Variants in JAZF1 observed in about 807,000 individuals in gnomAD.
JAZF1 encodes JAZF zinc finger 1, also known as juxtaposed with another zinc finger protein 1.
A neutral mutation model predicts 26.4 loss-of-function variants in JAZF1; 8 were observed. The observed-to-expected ratio is 0.30, with a 90% confidence interval of 0.18 to 0.55. JAZF1 has a LOEUF of 0.55. Among genes scored for constraint, JAZF1 ranks in the 20% least tolerant of loss-of-function variants. JAZF1 has a pLI of 0.94. For missense variants in JAZF1, 199 were observed against 322.0 expected, an observed-to-expected ratio of 0.62 and a Z score of 2.92; for synonymous variants, 126 against 122.3, an observed-to-expected ratio of 1.03 and a Z score of -0.20.
intron 1 of JAZF1, among the ~76,000 whole-genome samples, chr7:28,023,909 A>G (rs573051466): frequency 6.6e-6 from 1 of 152,290 alleles, no homozygotes; most frequent in South Asian, 2.1e-4. Flanking sequence ...ATTAACCTAC[A>G]CTTGGAAAAT....
rs367843582 is a variant in JAZF1, at chr7:27,980,553, G to A, written c.188+11356C>T. On this transcript the variant is annotated intron_variant, in intron 2 of 4. Transcript: ENST00000283928. Reference sequence around the variant, plus strand: ...AACCTAACCCTCTGCTGATTGATTAGTCAATGTTATTGCCAAAGAAAGTTT... The same window carrying A: ...AACCTAACCCTCTGCTGATTGATTAATCAATGTTATTGCCAAAGAAAGTTT... 2.6e-5 allele frequency among the ~76,000 whole-genome samples: 4 copies of A among 152,124 alleles called. No homozygotes were observed. In the South Asian group the frequency reaches 8.3e-4, roughly 32 times the overall value.
At chr7:27,867,749 A>G (rs551232551) in intron 3 of JAZF1, among the ~76,000 whole-genome samples, 71 of 152,374 alleles carry the variant, frequency 4.7e-4, no homozygotes, top group African/African-American at 1.6e-3. Flanking sequence ...TTTACACTCC[A>G]GGCATGACAA....
At chr7:27,931,633 T>G (rs1467536744) in intron 2 of JAZF1, among the ~76,000 whole-genome samples, 1 of 152,056 alleles carries the variant, frequency 6.6e-6, no homozygotes. Context: ...CTGGCCAATA[T>G]GGTGAAACCC....
At chr7:28,082,693 C>T (rs1784155597) in intron 1 of JAZF1, among the ~76,000 whole-genome samples, 2 of 152,220 alleles carry the variant, frequency 1.3e-5, no homozygotes, top group Admixed American at 1.3e-4. Context: ...CATCCTTGGC[C>T]CCTCTCTGGA....
At chr7:27,846,966 T>C (rs947186542) in intron 3 of JAZF1, among the ~76,000 whole-genome samples, 2 of 134,390 alleles carry the variant, frequency 1.5e-5, no homozygotes, top group African/African-American at 5.5e-5. Flanking sequence ...TAGCCTTATC[T>C]GTTTTTATTT....
chr7:27,865,908 T>C (rs1444601923), intron 3 of JAZF1, among the ~76,000 whole-genome samples: 1 of 152,192 alleles, frequency 6.6e-6, no homozygotes, highest in East Asian at 1.9e-4. Context: ...TCAAGGGCAG[T>C]CCACCCTTGC....
chr7:27,993,203 T>A (rs1326313554), intron 1 of JAZF1, among the ~76,000 whole-genome samples: 1 of 152,220 alleles, frequency 6.6e-6, no homozygotes, highest in Admixed American at 6.5e-5. Context: ...TCCTGCCTCC[T>A]GGGTCTTTGC....
At chr7:28,092,498 A>AG (rs34452837) in intron 1 of JAZF1, among the ~76,000 whole-genome samples, 26,003 of 151,608 alleles carry the variant, frequency 0.17, 4,827 homozygotes, top group African/African-American at 0.46. Flanking sequence ...AAAAATTAAA[A>AG]TAGGGAAGAA....
intron 1 of JAZF1, among the ~76,000 whole-genome samples, chr7:28,091,643 CACAG>C (rs1784298703): frequency 6.7e-6 from 1 of 149,580 alleles, no homozygotes; most frequent in African/African-American, 2.4e-5. Flanking sequence ...TATACACACA[CACAG>C]ACACACACAT....
At chr7:28,132,993 A>C (rs547006343) in intron 1 of JAZF1, among the ~76,000 whole-genome samples, 47 of 152,342 alleles carry the variant, frequency 3.1e-4, no homozygotes, top group African/African-American at 1.1e-3. Context: ...AAGCCGTAAA[A>C]GCAGATGTGC....
chr7:28,040,551 G>A (rs1466201056), intron 1 of JAZF1, among the ~76,000 whole-genome samples: 1 of 152,144 alleles, frequency 6.6e-6, no homozygotes, highest in African/African-American at 2.4e-5. Context: ...AGGGATACAC[G>A]GTGCCACAGT....
chr7:28,103,594 C>T (rs376412893), intron 1 of JAZF1, among the ~76,000 whole-genome samples: 1 of 152,134 alleles, frequency 6.6e-6, no homozygotes, highest in Non-Finnish European at 1.5e-5. Context: ...CTCATCTTAG[C>T]GAATGCCAAC....
chr7:28,000,227 A>AC (rs71555725), intron 1 of JAZF1, among the ~76,000 whole-genome samples: 1,862 of 150,814 alleles, frequency 0.012, 17 homozygotes, highest in Middle Eastern at 0.045. Context: ...ATTTTGCAGC[A>AC]CCCCCCCGAC....
chr7:28,029,209 C>T (rs1783145100), intron 1 of JAZF1, among the ~76,000 whole-genome samples: 1 of 152,046 alleles, frequency 6.6e-6, no homozygotes, highest in South Asian at 2.1e-4. Context: ...GATGTTCTGC[C>T]AAGTCAAATT....
intron 2 of JAZF1, among the ~76,000 whole-genome samples, chr7:27,896,349 T>G (rs1784062560): frequency 6.6e-6 from 1 of 152,218 alleles, no homozygotes; most frequent in Non-Finnish European, 1.5e-5. Flanking sequence ...CACCTTTTCA[T>G]ATTGGCAGGC....
At chr7:28,098,978 T>C (rs1414031238) in intron 1 of JAZF1, among the ~76,000 whole-genome samples, 2 of 152,206 alleles carry the variant, frequency 1.3e-5, no homozygotes, top group African/African-American at 2.4e-5. Flanking sequence ...TCTCGGGCCA[T>C]GATAGGCATC....
intron 2 of JAZF1, among the ~76,000 whole-genome samples, chr7:27,980,743 A>T (rs999304380): frequency 2.0e-5 from 3 of 152,086 alleles, no homozygotes; most frequent in African/African-American, 7.2e-5. Context: ...CATTTTTTTT[A>T]AAAGCACCAT....
chr7:27,989,480 T>G (rs1428141837), intron 2 of JAZF1, among the ~76,000 whole-genome samples: 1 of 152,086 alleles, frequency 6.6e-6, no homozygotes, highest in Non-Finnish European at 1.5e-5. Flanking sequence ...GAAACTACCG[T>G]CAGAGTGAAC....
At chr7:27,898,102 T>C (rs1470123823) in intron 2 of JAZF1, among the ~76,000 whole-genome samples, 1 of 152,016 alleles carries the variant, frequency 6.6e-6, no homozygotes, top group Non-Finnish European at 1.5e-5. Context: ...ACTCCAAGTG[T>C]CTTGAGGACA....
Sources: allele counts gnomAD v4.1 joint callset (sites outside exome capture counted in the v4.1 genomes callset), GRCh38; gene constraint gnomAD v4.1.1; transcripts MANE v1.5; gene names NCBI Gene and HGNC (gene_info 2026-07-23, HGNC 2026-07-21).